The following RORA variants were observed in gnomAD, a reference collection of about 807,000 sequenced individuals.
RORA encodes RAR related orphan receptor A.
RORA carries 7 observed loss-of-function variants against 69.5 expected under a neutral mutation model. That is an observed-to-expected ratio of 0.10 (90% CI 0.06 to 0.19). RORA has a LOEUF of 0.19. Among genes scored for constraint, RORA ranks in the 10% least tolerant of loss-of-function variants. The probability of loss-of-function intolerance (pLI) is 1.00; values close to 1 mark genes in which losing one functional copy is unlikely to be tolerated. For synonymous variants in RORA, 261 were observed against 240.8 expected, an observed-to-expected ratio of 1.08 and a Z score of -0.78; for missense variants, 457 against 663.0, an observed-to-expected ratio of 0.69 and a Z score of 3.41.
chr15:60,641,963 T>C (rs2069952405), intron 2 of RORA, among the ~76,000 whole-genome samples: 1 of 152,206 alleles, frequency 6.6e-6, no homozygotes, highest in Non-Finnish European at 1.5e-5. Context: ...TTAAGTAGCA[T>C]TGCGATTCTC....
At position 61,076,893 on chromosome 15, in the gene RORA, T is replaced by C. The variant is rs139858686; in HGVS notation, c.166+152160A>G. Among the ~76,000 whole-genome samples, 887 of 151,504 alleles carry C rather than the reference T, an allele frequency of 5.9e-3. 9 individuals are homozygous for C. Among genetic ancestry groups the C allele is most frequent in the African/African-American group, 0.021 (851 of 41,208 alleles). The stretch of plus-strand genomic sequence containing the variant: ...CTAAGCAGAGGAATCATCAGAATAA[T>C]GATCATTTTTCACTCTACCCCCTCT... On this transcript the variant is annotated intron_variant, in intron 1 of 10. Coordinates refer to ENST00000335670, the MANE Select transcript of RORA (RefSeq NM_134261.3).
intron 1 of RORA, among the ~76,000 whole-genome samples, chr15:61,081,724 C>T (rs2078543429): frequency 6.6e-6 from 1 of 150,578 alleles, no homozygotes. Flanking sequence ...AGAAGGATGG[C>T]GTGAACCTGG....
At chr15:60,834,735 A>C (rs1422742070) in intron 1 of RORA, among the ~76,000 whole-genome samples, 8 of 152,146 alleles carry the variant, frequency 5.3e-5, no homozygotes, top group Admixed American at 5.2e-4. Context: ...GGGGCTGCGC[A>C]TTTGTTGAGG....
rs993132076 is a variant in RORA at position 60,488,484 on chromosome 15, A to G, written c.*8971T>C. On this transcript the variant is annotated 3_prime_UTR_variant, in exon 11 of 11. Coordinates refer to ENST00000335670, the MANE Select transcript of RORA (RefSeq NM_134261.3). Reference sequence around the variant, plus strand: ...AATCTCTCTTTTTTGTACAGCTTGTATTTACAAAATGAATCAAAATATTTT... The same window carrying G: ...AATCTCTCTTTTTTGTACAGCTTGTGTTTACAAAATGAATCAAAATATTTT... 1 of 152,172 alleles carries G rather than the reference A, an allele frequency of 6.6e-6. No homozygotes were observed. Among genetic ancestry groups the G allele is most frequent in the Non-Finnish European group, 1.5e-5 (1 of 68,024 alleles). The allele number at this position is 152,172 out of a possible 1,614,324, so 9.4% of individuals were successfully genotyped here.
At chr15:60,771,733 A>G (rs1305717264) in intron 1 of RORA, among the ~76,000 whole-genome samples, 1 of 152,240 alleles carries the variant, frequency 6.6e-6, no homozygotes, top group Non-Finnish European at 1.5e-5. Context: ...GGACAAGTGA[A>G]TAATAAGTAA....
intron 1 of RORA, among the ~76,000 whole-genome samples, chr15:60,705,695 C>A (rs941181536): frequency 5.3e-5 from 8 of 152,138 alleles, no homozygotes; most frequent in African/African-American, 1.7e-4. Flanking sequence ...CTTCACCAAC[C>A]AACCAACTGA....
At chr15:61,211,686 G>A (rs1428204682) in intron 1 of RORA, among the ~76,000 whole-genome samples, 2 of 152,176 alleles carry the variant, frequency 1.3e-5, no homozygotes, top group African/African-American at 4.8e-5. Flanking sequence ...AGAGGGCAGA[G>A]GGATGCCTTT....
intron 1 of RORA, among the ~76,000 whole-genome samples, chr15:61,133,146 A>C (rs1332547082): frequency 6.7e-6 from 1 of 150,204 alleles, no homozygotes; most frequent in Non-Finnish European, 1.5e-5. Flanking sequence ...CCCCCCACCA[A>C]AAAAAAAAAC....
chr15:60,910,967 G>A (rs1384623909), intron 1 of RORA, among the ~76,000 whole-genome samples: 2 of 146,166 alleles, frequency 1.4e-5, no homozygotes, highest in Non-Finnish European at 3.0e-5. Flanking sequence ...GCAATGGCGC[G>A]ATCCTGGCTC....
chr15:60,987,672 A>C (rs1894247069), intron 1 of RORA, among the ~76,000 whole-genome samples: 1 of 152,192 alleles, frequency 6.6e-6, no homozygotes, highest in East Asian at 1.9e-4. Flanking sequence ...AGGGCAGTGA[A>C]GGCACCTCAC....
intron 1 of RORA, among the ~76,000 whole-genome samples, chr15:60,717,056 G>A (rs753086562): frequency 4.6e-5 from 7 of 152,200 alleles, no homozygotes; most frequent in Admixed American, 6.5e-5. Context: ...CTTGCAACTC[G>A]TGTCTGAAAG....
chr15:60,674,112 G>C lies in RORA; in HGVS notation c.196+4545C>G, dbSNP rs183524568. Among the ~76,000 whole-genome samples, 268 of 152,260 alleles carry C rather than the reference G, an allele frequency of 1.8e-3. 6 individuals are homozygous for C. The highest frequency in any genetic ancestry group is 7.9e-3 in the South Asian group (38 of 4,822). Reference sequence around the variant, plus strand: ...CCTGCCAGCAACAGAAATTATAACTGCCGTGAGTCACTGTGAGTCACATGG... The same window carrying C: ...CCTGCCAGCAACAGAAATTATAACTCCCGTGAGTCACTGTGAGTCACATGG... On this transcript the variant is annotated intron_variant, in intron 2 of 10. Coordinates refer to ENST00000335670, the MANE Select transcript of RORA (RefSeq NM_134261.3).
intron 1 of RORA, among the ~76,000 whole-genome samples, chr15:61,054,511 G>C (rs1204290113): frequency 6.6e-6 from 1 of 152,158 alleles, no homozygotes; most frequent in East Asian, 1.9e-4. Flanking sequence ...AAAGCCCCTG[G>C]ATTTCTCATC....
intron 4 of RORA, among the ~76,000 whole-genome samples, chr15:60,513,085 A>G (rs1186728797): frequency 6.6e-6 from 1 of 152,246 alleles, no homozygotes; most frequent in Non-Finnish European, 1.5e-5. Context: ...AGGCCCTCAC[A>G]GTGGCCAGGT....
intron 1 of RORA, among the ~76,000 whole-genome samples, chr15:60,831,259 T>C (rs2073038248): frequency 6.6e-6 from 1 of 152,180 alleles, no homozygotes; most frequent in Non-Finnish European, 1.5e-5. Flanking sequence ...AAACTTCTAA[T>C]GAGGGGAGGT....
intron 1 of RORA, among the ~76,000 whole-genome samples, chr15:60,955,877 T>G (rs182852762): frequency 6.6e-6 from 1 of 152,208 alleles, no homozygotes; most frequent in Non-Finnish European, 1.5e-5. Flanking sequence ...AAGGACACTT[T>G]ATAGACGTAT....
chr15:61,183,533 CAAAAAA>C (rs11392772), intron 1 of RORA, among the ~76,000 whole-genome samples: 6 of 130,696 alleles, frequency 4.6e-5, no homozygotes, highest in Admixed American at 7.7e-5. Context: ...GAGACTGTTT[CAAAAAA>C]AAAAAAAAAA....
intron 1 of RORA, among the ~76,000 whole-genome samples, chr15:60,852,621 A>C (rs1021442591): frequency 6.6e-6 from 1 of 152,256 alleles, no homozygotes; most frequent in Non-Finnish European, 1.5e-5. Flanking sequence ...GCAACCTGGG[A>C]ATATTTTATA....
rs551336410 is a variant in RORA at position 61,081,589 on chromosome 15, C to T, written c.166+147464G>A. 7.6e-4 allele frequency among the ~76,000 whole-genome samples: 115 copies of T among 152,146 alleles called. 1 individual carries two copies. The highest frequency in any genetic ancestry group is 1.0e-3 in the Non-Finnish European group (69 of 68,006). On this transcript the variant is annotated intron_variant, in intron 1 of 10. Transcript: ENST00000335670. ...TTGGGAGGCCGACGTGGGTGGATCACGGGGTCAGGAGATCGAGACCATCCT... is the reference window on the plus strand; with the variant it reads ...TTGGGAGGCCGACGTGGGTGGATCATGGGGTCAGGAGATCGAGACCATCCT...
Sources: allele counts gnomAD v4.1 joint callset (sites outside exome capture counted in the v4.1 genomes callset), GRCh38; gene constraint gnomAD v4.1.1; transcripts MANE v1.5; gene names NCBI Gene and HGNC (gene_info 2026-07-23, HGNC 2026-07-21).